The following STXBP3 variants were observed in gnomAD, a reference collection of about 807,000 sequenced individuals.
The protein encoded by STXBP3 is syntaxin binding protein 3.
Under a neutral mutation model 85.7 loss-of-function variants are expected in STXBP3, and 41 were observed. The ratio of observed to expected loss-of-function variants is 0.48; its 90% CI spans 0.37 to 0.62. STXBP3 has a LOEUF of 0.62. Among genes scored for constraint, STXBP3 ranks in the 20% least tolerant of loss-of-function variants. The probability of loss-of-function intolerance (pLI) is 0.00; values close to 1 mark genes in which losing one functional copy is unlikely to be tolerated. For missense variants in STXBP3, 563 were observed against 703.1 expected, an observed-to-expected ratio of 0.80 and a Z score of 2.25; for synonymous variants, 229 against 231.7, an observed-to-expected ratio of 0.99 and a Z score of 0.10.
Position 108,809,422 on chromosome 1 carries a change from T to C in STXBP3, c.*545T>C, listed in dbSNP as rs532800899. The C allele has an allele frequency of 3.9e-5, 6 of 152,728 alleles. No individual in the cohort carries two copies. Among genetic ancestry groups the C allele is most frequent in the Admixed American group, 3.9e-4 (6 of 15,312 alleles). 9.5% of individuals were successfully genotyped at this position (152,728 alleles called of 1,614,324 possible). On this transcript the variant is annotated 3_prime_UTR_variant, in exon 19 of 19. Coordinates refer to ENST00000370008, the MANE Select transcript of STXBP3 (RefSeq NM_007269.4). ...TGTGTACTGTTTTGCCACATACTTC[T>C]AAAGAACACAATTTTATATAATTTT...
intron 17 of STXBP3, among the ~76,000 whole-genome samples, chr1:108,801,837 T>A (rs953412313): frequency 2.6e-4 from 40 of 151,920 alleles, no homozygotes; most frequent in African/African-American, 9.7e-4. Flanking sequence ...CCCAGCTAAT[T>A]TTTAAATGTC....
At chr1:108,756,795 G>A in intron 4 of STXBP3, 29 bp downstream of exon 4, 3 of 1,503,238 alleles carry the variant, frequency 2.0e-6, no homozygotes, top group Non-Finnish European at 2.7e-6. Flanking sequence ...TAAAAAGCAG[G>A]TTCATCAATA....
At chr1:108,752,807 A>G (rs1661931929) in intron 2 of STXBP3, among the ~76,000 whole-genome samples, 1 of 152,248 alleles carries the variant, frequency 6.6e-6, no homozygotes, top group African/African-American at 2.4e-5. Flanking sequence ...ATTTGATGTT[A>G]AACAGTGTCA....
At chr1:108,799,683 A>G (rs1333392858) in intron 16 of STXBP3, among the ~76,000 whole-genome samples, 1 of 152,202 alleles carries the variant, frequency 6.6e-6, no homozygotes, top group Non-Finnish European at 1.5e-5. Context: ...GCATGAACCT[A>G]TTTACTTATA....
At chr1:108,800,989 TTCTC>T (rs1255371809) in intron 17 of STXBP3, among the ~76,000 whole-genome samples, 1 of 152,184 alleles carries the variant, frequency 6.6e-6, no homozygotes, top group African/African-American at 2.4e-5. Flanking sequence ...TTCTGCTCCT[TTCTC>T]TCTCCTTCCT....
At chr1:108,766,871 C>G in intron 6 of STXBP3, 1 of 483,810 alleles carries the variant, frequency 2.1e-6, no homozygotes. Context: ...GTGGTCTATA[C>G]TTTGTAAGAG....
chr1:108,766,173 T>A (rs1003570655), intron 6 of STXBP3, among the ~76,000 whole-genome samples: 3 of 151,792 alleles, frequency 2.0e-5, no homozygotes, highest in African/African-American at 7.3e-5. Flanking sequence ...AGCTTTTTTT[T>A]AACTGGAGAA....
At chr1:108,771,424 A>G (rs12127752) in intron 6 of STXBP3, among the ~76,000 whole-genome samples, 6 of 99,912 alleles carry the variant, frequency 6.0e-5, no homozygotes, top group Admixed American at 2.7e-4. Flanking sequence ...ATAATATATA[A>G]ATATATATGA....
intron 13 of STXBP3, among the ~76,000 whole-genome samples, chr1:108,795,850 A>C (rs768192946): frequency 5.9e-5 from 9 of 152,164 alleles, no homozygotes; most frequent in Non-Finnish European, 8.8e-5. Context: ...AAGATTTAAT[A>C]ATAGATTTTG....
intron 8 of STXBP3, among the ~76,000 whole-genome samples, chr1:108,778,562 A>G (rs751500633): frequency 1.3e-5 from 2 of 152,190 alleles, no homozygotes; most frequent in African/African-American, 4.8e-5. Context: ...CAATGCCCTC[A>G]TGGTCAACTG....
chr1:108,757,985 A>G (rs1432678053), intron 4 of STXBP3, among the ~76,000 whole-genome samples: 1 of 152,124 alleles, frequency 6.6e-6, no homozygotes, highest in Non-Finnish European at 1.5e-5. Flanking sequence ...TGACAAAAGC[A>G]AGATACAAAA....
chr1:108,782,833 C>T (rs891557655), intron 11 of STXBP3, 127 bp downstream of exon 11: 1 of 720,070 alleles, frequency 1.4e-6, no homozygotes, highest in African/African-American at 1.8e-5. Flanking sequence ...AGAATGAACT[C>T]CTACGTACCC....
chr1:108,785,522 G>T (rs1482953426), intron 11 of STXBP3, among the ~76,000 whole-genome samples: 5 of 151,934 alleles, frequency 3.3e-5, no homozygotes, highest in Admixed American at 1.3e-4. Context: ...TGTGATGGGA[G>T]GGGCTACCAC....
chr1:108,766,502 C>G (rs1462716794), intron 6 of STXBP3, among the ~76,000 whole-genome samples: 1 of 151,996 alleles, frequency 6.6e-6, no homozygotes, highest in Non-Finnish European at 1.5e-5. Context: ...GTAAGCTATC[C>G]TGCTTGGTAT....
chr1:108,792,972 T>C (rs1384276849), intron 11 of STXBP3, among the ~76,000 whole-genome samples: 7 of 152,164 alleles, frequency 4.6e-5, no homozygotes, highest in Non-Finnish European at 1.0e-4. Context: ...TGAAATCTTG[T>C]CCAACATTTA....
intron 11 of STXBP3, among the ~76,000 whole-genome samples, chr1:108,789,665 C>G (rs1183384524): frequency 2.0e-5 from 3 of 152,154 alleles, no homozygotes; most frequent in Non-Finnish European, 4.4e-5. Context: ...AATTTCAAAG[C>G]ATTTGGGAAT....
chr1:108,749,927 T>G (rs953068518), intron 1 of STXBP3, among the ~76,000 whole-genome samples: 1 of 152,152 alleles, frequency 6.6e-6, no homozygotes, highest in Non-Finnish European at 1.5e-5. Flanking sequence ...ACCTAATAAG[T>G]TTTTTACATT....
chr1:108,796,854 A>G, intron 15 of STXBP3, 128 bp downstream of exon 15: 4 of 569,142 alleles, frequency 7.0e-6, no homozygotes, highest in Non-Finnish European at 8.2e-6. Context: ...ATAAGTAAGC[A>G]ATTAAAGATT....
chr1:108,761,933 A>G (rs1277057416), intron 6 of STXBP3, among the ~76,000 whole-genome samples: 4 of 152,208 alleles, frequency 2.6e-5, no homozygotes, highest in Non-Finnish European at 5.9e-5. Context: ...AGATGGCACC[A>G]CTGCACTCCA....
Sources: gnomAD v4.1 joint callset for allele counts (sites outside exome capture counted in the v4.1 genomes callset) on GRCh38, gnomAD v4.1.1 for gene constraint, MANE v1.5 for transcripts, NCBI Gene and HGNC (gene_info 2026-07-23, HGNC 2026-07-21) for gene names.